The following HS3ST5 variants were observed in gnomAD, a reference collection of about 807,000 sequenced individuals.
The protein encoded by HS3ST5 is heparan sulfate glucosamine 3-O-sulfotransferase 5.
HS3ST5 carries 10 observed loss-of-function variants against 25.4 expected under a neutral mutation model. The ratio of observed to expected loss-of-function variants is 0.39; its 90% CI spans 0.24 to 0.67. The LOEUF is 0.67. Among genes scored for constraint, HS3ST5 ranks in the 30% least tolerant of loss-of-function variants. The pLI is 0.44. For missense variants in HS3ST5, 324 were observed against 420.7 expected (o/e 0.77, Z 2.01); for synonymous variants, 170 against 162.4 (o/e 1.05, Z -0.36).
rs376955049 is a variant in HS3ST5 at position 114,243,451 on chromosome 6, G to C, written c.-338-14673C>G. On this transcript the variant is annotated intron_variant, in intron 1 of 4. Transcript: ENST00000312719. The stretch of plus-strand genomic sequence containing the variant: ...TAGGGAAGATACTCTAGCAAGAGCT[G>C]GACAAATTCAACCTACAAGTATAAC... Among the ~76,000 whole-genome samples the C allele has an allele frequency of 4.6e-5, 7 of 152,248 alleles. No homozygotes were observed. In the East Asian group the frequency reaches 1.4e-3, roughly 29 times the overall value.
intron 3 of HS3ST5, among the ~76,000 whole-genome samples, chr6:114,147,466 G>A (rs1778225806): frequency 1.3e-5 from 2 of 152,206 alleles, no homozygotes; most frequent in African/African-American, 4.8e-5. Context: ...TGAAGATGAA[G>A]TTGATTGAAA....
At chr6:114,204,981 A>G (rs1285055395) in intron 2 of HS3ST5, among the ~76,000 whole-genome samples, 2 of 152,174 alleles carry the variant, frequency 1.3e-5, no homozygotes, top group African/African-American at 4.8e-5. Flanking sequence ...CTGGCCATGC[A>G]CACTCCATAT....
chr6:114,320,511 A>AT (rs768339604), intron 1 of HS3ST5, among the ~76,000 whole-genome samples: 13 of 152,124 alleles, frequency 8.5e-5, no homozygotes, highest in Non-Finnish European at 1.8e-4. Context: ...ATTCGATTGC[A>AT]TCATAAGATA....
intron 1 of HS3ST5, among the ~76,000 whole-genome samples, chr6:114,340,047 T>A (rs1776761208): frequency 6.6e-6 from 1 of 152,334 alleles, no homozygotes; most frequent in Non-Finnish European, 1.5e-5. Flanking sequence ...GCTCAATAAA[T>A]ACTTTTTGAA....
chr6:114,116,475 G>A (rs1392957339), intron 3 of HS3ST5, among the ~76,000 whole-genome samples: 1 of 152,060 alleles, frequency 6.6e-6, no homozygotes, highest in East Asian at 1.9e-4. Context: ...TTTACTAACA[G>A]CCTGAAGTGT....
Position 114,212,973 on chromosome 6 carries a change from A to G in HS3ST5, c.-145+15612T>C, listed in dbSNP as rs36124514. ...AATGGCTTAAGTGTTTAACAGCTCA[A>G]TGTGACAGCCTTCTGTATCCTGAGC... On this transcript the variant is annotated intron_variant, in intron 2 of 4. Transcript: ENST00000312719. Among the ~76,000 whole-genome samples, 428 of 152,320 alleles carry G rather than the reference A, an allele frequency of 2.8e-3. 3 individuals carry two copies. The highest frequency in any genetic ancestry group is 0.01 in the African/African-American group (418 of 41,580).
chr6:114,128,996 G>A (rs1412664649), intron 3 of HS3ST5, among the ~76,000 whole-genome samples: 1 of 151,770 alleles, frequency 6.6e-6, no homozygotes, highest in Non-Finnish European at 1.5e-5. Context: ...AAAAGAAAAA[G>A]CCAAGTTTCT....
intron 2 of HS3ST5, among the ~76,000 whole-genome samples, chr6:114,188,539 C>T (rs1161155458): frequency 6.6e-6 from 1 of 152,148 alleles, no homozygotes; most frequent in Non-Finnish European, 1.5e-5. Context: ...TCCCTGTCTC[C>T]TCCAACACCA....
rs138594898 is a variant in HS3ST5, at chr6:114,155,627, C to A, written c.-33+12724G>T. 2.3e-3 allele frequency among the ~76,000 whole-genome samples: 353 copies of A among 152,300 alleles called. 1 individual carries two copies. The highest frequency in any genetic ancestry group is 8.3e-3 in the African/African-American group (344 of 41,558). ...TCGACCTCATCTACCCTTTAAGCAA[C>A]AAAACCACTCTGTGAAGATGCAGAG... On this transcript the variant is annotated intron_variant, in intron 3 of 4. Coordinates refer to ENST00000312719, the MANE Select transcript of HS3ST5 (RefSeq NM_153612.4).
intron 1 of HS3ST5, among the ~76,000 whole-genome samples, chr6:114,261,411 G>A (rs1033230544): frequency 6.6e-6 from 1 of 152,162 alleles, no homozygotes; most frequent in Non-Finnish European, 1.5e-5. Flanking sequence ...AAGCAGGAAG[G>A]TAATTTTAGA....
intron 3 of HS3ST5, among the ~76,000 whole-genome samples, chr6:114,153,199 A>G (rs1778540993): frequency 6.6e-6 from 1 of 152,088 alleles, no homozygotes; most frequent in Non-Finnish European, 1.5e-5. Flanking sequence ...CCTGGTTTAG[A>G]CTTCCTCACA....
chr6:114,242,193 T>C (rs1486685626), intron 1 of HS3ST5, among the ~76,000 whole-genome samples: 2 of 152,172 alleles, frequency 1.3e-5, no homozygotes, highest in African/African-American at 4.8e-5. Context: ...TAGGGAAAAA[T>C]AATGTAAAGT....
chr6:114,133,334 C>A (rs2114913125), intron 3 of HS3ST5, among the ~76,000 whole-genome samples: 1 of 152,270 alleles, frequency 6.6e-6, no homozygotes, highest in East Asian at 1.9e-4. Flanking sequence ...GCCCATGACC[C>A]CACTGTTCCT....
chr6:114,277,776 C>A (rs1773924894), intron 1 of HS3ST5, among the ~76,000 whole-genome samples: 1 of 152,060 alleles, frequency 6.6e-6, no homozygotes, highest in African/African-American at 2.4e-5. Flanking sequence ...TATTCAAGGT[C>A]GTTTTAAAAG....
intron 3 of HS3ST5, among the ~76,000 whole-genome samples, chr6:114,165,867 A>G (rs1316726101): frequency 6.6e-6 from 1 of 152,130 alleles, no homozygotes; most frequent in Non-Finnish European, 1.5e-5. Context: ...TTTGAGGATT[A>G]CATGAAATGA....
intron 3 of HS3ST5, among the ~76,000 whole-genome samples, chr6:114,089,967 G>T (rs1368085070): frequency 6.6e-6 from 1 of 152,116 alleles, no homozygotes; most frequent in Non-Finnish European, 1.5e-5. Context: ...TTTAGTTGGG[G>T]GTACTCTTGC....
intron 2 of HS3ST5, among the ~76,000 whole-genome samples, chr6:114,186,435 C>T (rs1057406133): frequency 2.0e-5 from 3 of 152,058 alleles, no homozygotes; most frequent in Admixed American, 6.5e-5. Context: ...AAGATCAAAC[C>T]AGCCACAACC....
At chr6:114,124,163 G>C (rs1357400881) in intron 3 of HS3ST5, among the ~76,000 whole-genome samples, 1 of 152,106 alleles carries the variant, frequency 6.6e-6, no homozygotes, top group Non-Finnish European at 1.5e-5. Flanking sequence ...TCCAGCTCTT[G>C]CTGTGACTGA....
chr6:114,145,319 G>A (rs555670025), intron 3 of HS3ST5, among the ~76,000 whole-genome samples: 2 of 152,272 alleles, frequency 1.3e-5, no homozygotes, highest in Admixed American at 6.5e-5. Flanking sequence ...CAGGAATAGA[G>A]TTTCTTTATT....
Sources: allele counts gnomAD v4.1 joint callset (sites outside exome capture counted in the v4.1 genomes callset), GRCh38; gene constraint gnomAD v4.1.1; transcripts MANE v1.5; gene names NCBI Gene and HGNC (gene_info 2026-07-23, HGNC 2026-07-21).